Variants in GCN1 observed in about 807,000 individuals in gnomAD.
The protein encoded by GCN1 is stalled ribosome sensor GCN1.
A neutral mutation model predicts 288.4 loss-of-function variants in GCN1; 90 were observed. That is an observed-to-expected ratio of 0.31 (90% confidence interval 0.26 to 0.37). The LOEUF is 0.37. GCN1 is among the 10% of genes least tolerant of loss of function. The pLI is 1.00. For synonymous variants in GCN1, 1,386 were observed against 1,420.2 expected (o/e 0.98, Z 0.54); for missense variants, 2,586 against 3,419.9 (o/e 0.76, Z 6.08).
chr12:120,149,248 G>A (rs747967509), intron 36 of GCN1, among the ~76,000 whole-genome samples: 5 of 152,034 alleles, frequency 3.3e-5, no homozygotes, highest in East Asian at 1.9e-4. Flanking sequence ...CTGGCCAGGC[G>A]TGGTGACTCA....
chr12:120,153,162 G>A lies in GCN1; in HGVS notation c.4062+51C>T, dbSNP rs141433298. The A allele has an allele frequency of 6.8e-4, 1,027 of 1,517,318 alleles. 6 individuals are homozygous for A. The East Asian group carries it at 0.017, about 26-fold the overall frequency. The allele number at this position is 1,517,318 out of a possible 1,614,324, so 94.0% of individuals were successfully genotyped here. A position where few individuals can be genotyped will look rare whatever the true frequency, so the allele number is the denominator to read the frequency against. Reference sequence around the variant, plus strand: ...AGTATCCCACCGCCTAACCACAGCCGGGTCCCAATTCTCTAACCGACATGT... The same window carrying A: ...AGTATCCCACCGCCTAACCACAGCCAGGTCCCAATTCTCTAACCGACATGT... On this transcript the variant is annotated intron_variant, in intron 33 of 57. Coordinates refer to ENST00000300648, the MANE Select transcript of GCN1 (RefSeq NM_006836.2). The surrounding 1 kb of genome is among the most constrained non-coding windows in gnomAD (Gnocchi z 4.4).
At chr12:120,136,827 C>G (rs1047377394) in intron 50 of GCN1, 95 bp from the exon 51 acceptor site, 1 of 816,954 alleles carries the variant, frequency 1.2e-6, no homozygotes, top group Admixed American at 2.1e-5. Flanking sequence ...CTGTCCTCCC[C>G]TCAACTCCAT....
chr12:120,130,545 G>C, intron 56 of GCN1, 101 bp downstream of exon 56: 1 of 778,358 alleles, frequency 1.3e-6, no homozygotes, highest in Non-Finnish European at 2.3e-6. Context: ...CGGAGAACTA[G>C]CACACAACTA....
At chr12:120,146,348 T>A (rs898933393) in intron 38 of GCN1, among the ~76,000 whole-genome samples, 2 of 152,056 alleles carry the variant, frequency 1.3e-5, no homozygotes, top group African/African-American at 4.8e-5. Context: ...CTAATTTTTT[T>A]AATTAATTAA....
intron 26 of GCN1, among the ~76,000 whole-genome samples, chr12:120,157,620 C>T (rs1242149897): frequency 6.6e-6 from 1 of 152,258 alleles, no homozygotes; most frequent in Non-Finnish European, 1.5e-5. Context: ...ATCAGGTGAA[C>T]TGACATGTAC....
In GCN1 at chr12:120,142,493, C is replaced by T; in HGVS notation, c.5829+14G>A. On this transcript the variant is annotated intron_variant, in intron 44 of 57. Coordinates refer to ENST00000300648, the MANE Select transcript of GCN1 (RefSeq NM_006836.2). This position sits in a 1 kb window ranked among gnomAD's most constrained non-coding sequence, Gnocchi z 4.9. Reference sequence around the variant, plus strand: ...CTGGGGCTGCTGGTCCAAAACAAGGCCCAGGAAACTCACCGTTCTCTTATC... The same window carrying T: ...CTGGGGCTGCTGGTCCAAAACAAGGTCCAGGAAACTCACCGTTCTCTTATC... 6.2e-7 allele frequency: 1 copy of T among 1,604,468 alleles called. No individual in the cohort carries two copies. The highest frequency in any genetic ancestry group is 2.2e-5 in the East Asian group (1 of 44,840).
In GCN1 at chr12:120,155,330, C is replaced by T. The variant is rs200917600; in HGVS notation, c.3541G>A (p.Glu1181Lys). ...HEAAVRQAGA[E>K]ALSQAVARYQ... Reference sequence around the variant, plus strand: ...CGTGCCACTGCTTGGGAGAGGGCTTCGGCCCCTGCCTGCCTTACAGCCGCC... The same window carrying T: ...CGTGCCACTGCTTGGGAGAGGGCTTTGGCCCCTGCCTGCCTTACAGCCGCC... The change falls in exon 30 of 58, where the codon GAA becomes AAA. Residue 1181 changes from glutamate (E) to lysine (K), a missense_variant. This residue lies in a region of GCN1 where 332 missense variants were observed against 403.0 expected (regional missense o/e 0.82). Transcript: ENST00000300648. This position sits in a 1 kb window ranked among gnomAD's most constrained non-coding sequence, Gnocchi z 4.9. The T allele has an allele frequency of 4.2e-5, 68 of 1,614,066 alleles. No individual in the cohort carries two copies. The highest frequency in any genetic ancestry group is 5.1e-5 in the Non-Finnish European group (60 of 1,180,042).
In GCN1 at chr12:120,157,065, C is replaced by A; in HGVS notation, c.3088-73G>T. On this transcript the variant is annotated intron_variant, in intron 26 of 57. Transcript: ENST00000300648. ...GTAACCCAGGCGGCCAACGGCAGGG[C>A]ATCCTCTCACCCACGGGGGAACATT... is the stretch of plus-strand genomic sequence containing the variant. The A allele has an allele frequency of 3.3e-6, 3 of 922,022 alleles. No individual in the cohort carries two copies. The South Asian group carries it at 4.0e-5, about 12-fold the overall frequency. The allele number at this position is 922,022 out of a possible 1,614,324, so 57.1% of individuals were successfully genotyped here. A position where few individuals can be genotyped will look rare whatever the true frequency, so the allele number is the denominator to read the frequency against.
Position 120,149,822 on chromosome 12 carries a change from G to A in GCN1, c.4431+100C>T, listed in dbSNP as rs937022311. ...CCTCCTATAACCAACGCTTACTGGG[G>A]TTCTATTATGTCAGACCCTGTGCCA... is the stretch of plus-strand genomic sequence containing the variant. On this transcript the variant is annotated intron_variant, in intron 35 of 57. Transcript: ENST00000300648. The A allele has an allele frequency of 4.5e-6, 7 of 1,539,410 alleles. No homozygotes were observed. The African/African-American group carries it at 5.4e-5, about 12-fold the overall frequency.
At chr12:120,187,587 T>A (rs983201744) in intron 2 of GCN1, among the ~76,000 whole-genome samples, 9 of 151,810 alleles carry the variant, frequency 5.9e-5, no homozygotes, top group African/African-American at 2.2e-4. Flanking sequence ...AAATGCTGGG[T>A]TCTGTGCCCA....
chr12:120,128,039 G>C lies in GCN1; in HGVS notation c.7891-65C>G, dbSNP rs2139075716. 3 of 1,573,272 alleles carry C rather than the reference G, an allele frequency of 1.9e-6. No individual in the cohort carries two copies. In the Middle Eastern group the frequency reaches 5.0e-4, roughly 265 times the overall value. ...ATACGGCTGCCACGTTCTCCAATTG[G>C]AGAAAGACAAAAATGAATGTTAACC... On this transcript the variant is annotated intron_variant, in intron 57 of 57. Transcript: ENST00000300648.
chr12:120,153,450 G>C lies in GCN1; in HGVS notation c.3868-43C>G, dbSNP rs1206162054. ...TCAGAGCCTCAGGTCAACCCTACAG[G>C]CTGCATCTGGGGACAACAGTCCCTG... On this transcript the variant is annotated intron_variant, in intron 32 of 57. Coordinates refer to ENST00000300648, the MANE Select transcript of GCN1 (RefSeq NM_006836.2). The surrounding 1 kb of genome is among the most constrained non-coding windows in gnomAD (Gnocchi z 4.4). 1.3e-6 allele frequency: 2 copies of C among 1,546,406 alleles called. No homozygotes were observed. The highest frequency in any genetic ancestry group is 2.7e-5 in the African/African-American group (2 of 73,768).
At chr12:120,140,835 G>A (rs751420241) in intron 45 of GCN1, 24 bp downstream of exon 45, 11 of 1,608,402 alleles carry the variant, frequency 6.8e-6, no homozygotes, top group Non-Finnish European at 1.7e-6. Context: ...TGCACAGCTG[G>A]CGGGATCCTT....
At chr12:120,128,766 G>A (rs375692536) in intron 57 of GCN1, among the ~76,000 whole-genome samples, 15 of 152,056 alleles carry the variant, frequency 9.9e-5, no homozygotes, top group African/African-American at 3.6e-4. Context: ...TTGAAGAAAG[G>A]GCCCTGCTCG....
Position 120,156,104 on chromosome 12 carries a change from A to G in GCN1, c.3312+357T>C, listed in dbSNP as rs1468741319. Among the ~76,000 whole-genome samples the G allele has an allele frequency of 6.6e-6, 1 of 152,222 alleles. No individual in the cohort carries two copies. Among genetic ancestry groups the G allele is most frequent in the Non-Finnish European group, 1.5e-5 (1 of 68,040 alleles). ...AGCAGGTAGGAACCACTGTCTTACCACTACAAGGGGATGCTTCAGTTTTTG... is the reference window on the plus strand; with the variant it reads ...AGCAGGTAGGAACCACTGTCTTACCGCTACAAGGGGATGCTTCAGTTTTTG... On this transcript the variant is annotated intron_variant, in intron 28 of 57. Coordinates refer to ENST00000300648, the MANE Select transcript of GCN1 (RefSeq NM_006836.2). The surrounding 1 kb of genome is among the most constrained non-coding windows in gnomAD (Gnocchi z 5.8).
rs1439150193 is a variant in GCN1 at position 120,159,984 on chromosome 12, T to C, written c.2590A>G (p.Ile864Val). ...CCGGACGGGTTCTTGGCCAGGATGATGTCCAGCAGTCCAAGCGCCGCCTCC... is the reference window on the plus strand; with the variant it reads ...CCGGACGGGTTCTTGGCCAGGATGACGTCCAGCAGTCCAAGCGCCGCCTCC... Reference protein sequence around the residue: ...ELEAALGLLDIILAKNPSGLT... With the variant: ...ELEAALGLLDVILAKNPSGLT... Residue 864 changes from isoleucine (I) to valine (V), a missense_variant, in exon 24 of 58, where the codon ATC becomes GTC. Ile to Val is a conservative substitution (Grantham distance 29). Coordinates refer to ENST00000300648, the MANE Select transcript of GCN1 (RefSeq NM_006836.2). 18 of 1,614,054 alleles carry C rather than the reference T, an allele frequency of 1.1e-5. No homozygotes were observed. Among genetic ancestry groups the C allele is most frequent in the Non-Finnish European group, 1.4e-5 (17 of 1,180,022 alleles).
In GCN1 at chr12:120,150,047, G is replaced by A. The variant is rs1430967007; in HGVS notation, c.4310-4C>T. ...ATCTCGAAGGCAAAGAGGGCTCCTA[G>A]GGGAAAAGAAGGTGGGACGGCTGGG... On this transcript the variant is annotated splice_polypyrimidine_tract_variant and splice_region_variant and intron_variant, in intron 34 of 57. Coordinates refer to ENST00000300648, the MANE Select transcript of GCN1 (RefSeq NM_006836.2). The A allele has an allele frequency of 1.2e-6, 2 of 1,613,770 alleles. No individual in the cohort carries two copies. The highest frequency in any genetic ancestry group is 3.3e-5 in the Admixed American group (2 of 60,008).
rs1353955670 is a variant in GCN1, at chr12:120,175,880, C to A, written c.914-6G>T. 4.4e-6 allele frequency: 7 copies of A among 1,598,876 alleles called. No homozygotes were observed. The highest frequency in any genetic ancestry group is 2.2e-5 in the East Asian group (1 of 44,800). On this transcript the variant is annotated splice_region_variant and splice_polypyrimidine_tract_variant and intron_variant, in intron 10 of 57. Coordinates refer to ENST00000300648, the MANE Select transcript of GCN1 (RefSeq NM_006836.2). The stretch of plus-strand genomic sequence containing the variant: ...ACTGTTGGATTTCAGGTGACCTGCA[C>A]ACACAAAGCCACTGCTCAGAAGCAG...
intron 4 of GCN1, 104 bp downstream of exon 4, chr12:120,184,008 A>G (rs1878746071): frequency 8.9e-7 from 1 of 1,118,338 alleles, no homozygotes; most frequent in Non-Finnish European, 1.3e-6. Flanking sequence ...TTCTCCACTA[A>G]GCTTGCTATC....
Sources: gnomAD v4.1 joint callset for allele counts (sites outside exome capture counted in the v4.1 genomes callset) on GRCh38, gnomAD v4.1.1 for gene constraint, gnomAD v4.1.1 regional missense constraint, Gnocchi (gnomAD v3.1) non-coding constraint, MANE v1.5 for transcripts, NCBI Gene and HGNC (gene_info 2026-07-23, HGNC 2026-07-21) for gene names.